MEI1: variants seen among roughly 807,000 people sequenced by gnomAD.
The protein encoded by MEI1 is meiosis inhibitor protein 1.
A neutral mutation model predicts 146.2 loss-of-function variants in MEI1; 103 were observed. That is an observed-to-expected ratio of 0.70 (90% confidence interval 0.60 to 0.83). The LOEUF is 0.83. Ranked by LOEUF, MEI1 falls within the 40% of genes least tolerant of loss-of-function variation. The pLI, the probability that MEI1 is intolerant of heterozygous loss-of-function variation, is 0.00. For synonymous variants in MEI1, 652 were observed against 628.2 expected (o/e 1.04, Z -0.57); for missense variants, 1,529 against 1,533.0 (o/e 1.00, Z 0.04).
chr22:41,748,812 T>G lies in MEI1; in HGVS notation c.1792+594T>G, dbSNP rs78925362. On this transcript the variant is annotated intron_variant, in intron 15 of 30. Coordinates refer to ENST00000401548, the MANE Select transcript of MEI1 (RefSeq NM_152513.4). The stretch of plus-strand genomic sequence containing the variant: ...ATCTGACTGTAGAACATGCTTTTTT[T>G]TTTTTGTCTGAGATTGAGTCTCGCC... Among the ~76,000 whole-genome samples the G allele has an allele frequency of 4.7e-3, 719 of 152,130 alleles. 3 individuals are homozygous for G. Among genetic ancestry groups the G allele is most frequent in the African/African-American group, 0.017 (685 of 41,504 alleles).
chr22:41,791,324 A>G lies in MEI1; in HGVS notation c.3346-2505A>G, dbSNP rs188273067. Among the ~76,000 whole-genome samples the G allele has an allele frequency of 1.6e-3, 221 of 134,072 alleles. 1 individual carries two copies. The highest frequency in any genetic ancestry group is 8.8e-3 in the African/African-American group (216 of 24,504). 88.0% of individuals were successfully genotyped at this position (134,072 alleles called of 152,430 possible). ...CAACACAGCACAACCCTATCTCTAT[A>G]AAAAATACAAAAAATTAGCTGGACG... On this transcript the variant is annotated intron_variant, in intron 26 of 30. Coordinates refer to ENST00000401548, the MANE Select transcript of MEI1 (RefSeq NM_152513.4).
At chr22:41,725,120 TA>T (rs199579135) in intron 7 of MEI1, among the ~76,000 whole-genome samples, 134 of 146,074 alleles carry the variant, frequency 9.2e-4, no homozygotes, top group Non-Finnish European at 8.0e-4. Flanking sequence ...AAATTATTAT[TA>T]TTTTTTTTTT....
At chr22:41,715,277 A>G (rs1157262009) in intron 4 of MEI1, among the ~76,000 whole-genome samples, 1 of 152,176 alleles carries the variant, frequency 6.6e-6, no homozygotes, top group Non-Finnish European at 1.5e-5. Flanking sequence ...TGGTATGACT[A>G]GCTAGTCAAT....
chr22:41,736,720 G>T (rs1326053723), intron 11 of MEI1, among the ~76,000 whole-genome samples: 1 of 152,070 alleles, frequency 6.6e-6, no homozygotes, highest in South Asian at 2.1e-4. Context: ...GGCTACTTAT[G>T]ATGGGATGTA....
intron 19 of MEI1, among the ~76,000 whole-genome samples, chr22:41,767,104 C>A (rs1255587963): frequency 6.6e-6 from 1 of 152,104 alleles, no homozygotes; most frequent in Non-Finnish European, 1.5e-5. Context: ...GCAAGGGGCA[C>A]CTTCAGGAGG....
intron 11 of MEI1, among the ~76,000 whole-genome samples, chr22:41,733,938 C>T (rs1388529790): frequency 6.6e-6 from 1 of 151,520 alleles, no homozygotes; most frequent in South Asian, 2.1e-4. Flanking sequence ...ACCAGCCTGG[C>T]CAACATGTAG....
At chr22:41,793,987 A>G in intron 27 of MEI1, 77 bp downstream of exon 27, 1 of 1,318,242 alleles carries the variant, frequency 7.6e-7, no homozygotes, top group Non-Finnish European at 1.1e-6. Context: ...CTCCTGCTCC[A>G]GCCTTCCATT....
intron 14 of MEI1, 24 bp downstream of exon 14, chr22:41,746,050 A>C: frequency 6.4e-7 from 1 of 1,559,186 alleles, no homozygotes. Flanking sequence ...AGCCACGGGC[A>C]ACATGAAGCT....
intron 3 of MEI1, among the ~76,000 whole-genome samples, chr22:41,708,982 G>A (rs1369233846): frequency 6.6e-6 from 1 of 152,172 alleles, no homozygotes; most frequent in African/African-American, 2.4e-5. Flanking sequence ...CCCTCCTCCT[G>A]GGAGCCAAGA....
intron 7 of MEI1, 29 bp downstream of exon 7, chr22:41,724,102 G>C (rs1201181189): frequency 5.6e-6 from 9 of 1,612,516 alleles, no homozygotes; most frequent in Non-Finnish European, 6.8e-6. Context: ...CTGGTCTCTA[G>C]GTTCAATAAC....
intron 11 of MEI1, among the ~76,000 whole-genome samples, chr22:41,741,648 T>C (rs959309024): frequency 6.6e-6 from 1 of 152,250 alleles, no homozygotes; most frequent in African/African-American, 2.4e-5. Context: ...CTAGAGATGG[T>C]CCCCAATACT....
intron 22 of MEI1, among the ~76,000 whole-genome samples, chr22:41,779,828 C>G (rs75999014): frequency 6.6e-6 from 1 of 152,092 alleles, no homozygotes; most frequent in African/African-American, 2.4e-5. Flanking sequence ...CACCCCAAAC[C>G]TCCTCGGTTT....
chr22:41,758,331 C>T (rs762854196), intron 17 of MEI1, 34 bp from the exon 18 acceptor site: 6 of 1,596,144 alleles, frequency 3.8e-6, no homozygotes, highest in South Asian at 1.1e-5. Flanking sequence ...TCTATGTTCT[C>T]TGTGTGGCTT....
chr22:41,725,354 C>T (rs1466134808), intron 7 of MEI1, among the ~76,000 whole-genome samples: 7 of 151,966 alleles, frequency 4.6e-5, no homozygotes, highest in Non-Finnish European at 7.4e-5. Context: ...CCTTGTGATC[C>T]GCCTGCCTCG....
chr22:41,712,955 C>T (rs1050816399), intron 3 of MEI1, among the ~76,000 whole-genome samples: 5 of 151,610 alleles, frequency 3.3e-5, no homozygotes, highest in African/African-American at 9.7e-5. Flanking sequence ...ACCACAGATG[C>T]CTGCCACCAT....
intron 1 of MEI1, among the ~76,000 whole-genome samples, chr22:41,701,152 T>C (rs2068698479): frequency 2.0e-5 from 3 of 151,938 alleles, no homozygotes; most frequent in Non-Finnish European, 4.4e-5. Context: ...TTGGTCAGGT[T>C]GGTGTTGAAC....
At chr22:41,752,538 CTG>C in intron 15 of MEI1, 51 bp from the exon 16 acceptor site, 1 of 1,499,032 alleles carries the variant, frequency 6.7e-7, no homozygotes, top group South Asian at 1.2e-5. Flanking sequence ...TTGGGACTCT[CTG>C]TGACAAGTCT....
At chr22:41,797,817 G>C (rs886790944) in intron 30 of MEI1, among the ~76,000 whole-genome samples, 1 of 152,032 alleles carries the variant, frequency 6.6e-6, no homozygotes, top group Non-Finnish European at 1.5e-5. Context: ...TACCTCCTAG[G>C]GTTGTAGCAA....
At chr22:41,725,962 AGAG>A (rs2071309938) in intron 7 of MEI1, among the ~76,000 whole-genome samples, 1 of 152,162 alleles carries the variant, frequency 6.6e-6, no homozygotes, top group Non-Finnish European at 1.5e-5. Flanking sequence ...GCAGCAAGGA[AGAG>A]GAGGAGGAGC....
Sources: gnomAD v4.1 joint callset for allele counts (sites outside exome capture counted in the v4.1 genomes callset) on GRCh38, gnomAD v4.1.1 for gene constraint, MANE v1.5 for transcripts, NCBI Gene and HGNC (gene_info 2026-07-23, HGNC 2026-07-21) for gene names.